Variants in ZFAND6 observed in about 807,000 individuals in gnomAD.
ZFAND6 encodes the protein AN1-type zinc finger protein 6.
ZFAND6 carries 12 observed loss-of-function variants against 24.5 expected under a neutral mutation model. The observed-to-expected ratio is 0.49, with a 90% CI of 0.31 to 0.79. The LOEUF is 0.79. Ranked by LOEUF, ZFAND6 falls within the 30% of genes least tolerant of loss-of-function variation. The pLI, the probability that ZFAND6 is intolerant of heterozygous loss-of-function variation, is 0.04. For missense variants in ZFAND6, 207 were observed against 245.9 expected (o/e 0.84, Z 1.06); for synonymous variants, 92 against 81.5 (o/e 1.13, Z -0.69).
intron 1 of ZFAND6, among the ~76,000 whole-genome samples, chr15:80,067,005 C>T (rs2036686869): frequency 6.6e-6 from 1 of 151,870 alleles, no homozygotes; most frequent in South Asian, 2.1e-4. Context: ...AACTTTGATT[C>T]TGAGTTCTAA....
At chr15:80,131,507 G>A in intron 6 of ZFAND6, 1 of 468,604 alleles carries the variant, frequency 2.1e-6, no homozygotes, top group East Asian at 3.1e-5. Flanking sequence ...TTTTATTTCA[G>A]TTGAATTTAG....
In ZFAND6 at chr15:80,121,564, T is replaced by C. The variant is rs541553410; in HGVS notation, c.155-148T>C. On this transcript the variant is annotated intron_variant, in intron 3 of 6. Transcript: ENST00000261749. Reference sequence around the variant, plus strand: ...TTTTCACTGGCAAACCGTTGAAAAATTTTTTAAAAATAATGAACCAACATA... The same window carrying C: ...TTTTCACTGGCAAACCGTTGAAAAACTTTTTAAAAATAATGAACCAACATA... The C allele has an allele frequency of 9.8e-6, 5 of 509,654 alleles. No individual in the cohort carries two copies. The East Asian group carries it at 1.4e-4, about 14-fold the overall frequency. The allele number at this position is 509,654 out of a possible 1,614,324, so 31.6% of individuals were successfully genotyped here.
At chr15:80,131,936 G>T (rs1274393662) in intron 6 of ZFAND6, among the ~76,000 whole-genome samples, 2 of 152,196 alleles carry the variant, frequency 1.3e-5, no homozygotes, top group African/African-American at 4.8e-5. Context: ...ATGTTTCAGT[G>T]TGTCTTGAAC....
chr15:80,122,229 T>TA (rs1187831128), intron 4 of ZFAND6, among the ~76,000 whole-genome samples: 4 of 152,292 alleles, frequency 2.6e-5, no homozygotes, highest in Non-Finnish European at 5.9e-5. Flanking sequence ...TATATATATA[T>TA]TTTTTAACTC....
Position 80,071,862 on chromosome 15 carries a change from C to T in ZFAND6, c.-181+12053C>T, listed in dbSNP as rs532277563. Among the ~76,000 whole-genome samples, 5 of 152,018 alleles carry T rather than the reference C, an allele frequency of 3.3e-5. No individual in the cohort carries two copies. The South Asian group carries it at 8.3e-4, about 25-fold the overall frequency. On this transcript the variant is annotated intron_variant, in intron 1 of 6. Transcript: ENST00000261749. ...CTGTTTGCCAATGGTTAAGCATTAA[C>T]CTTGGCAAAATACTCACATGTCAGA...
chr15:80,075,519 A>T (rs17217049), intron 1 of ZFAND6, among the ~76,000 whole-genome samples: 21,639 of 152,026 alleles, frequency 0.14, 2,028 homozygotes, highest in Non-Finnish European at 0.21. Flanking sequence ...GAAAACTTTT[A>T]AATTGACCTA....
chr15:80,072,164 T>C (rs1274133020), intron 1 of ZFAND6, among the ~76,000 whole-genome samples: 1 of 152,130 alleles, frequency 6.6e-6, no homozygotes, highest in African/African-American at 2.4e-5. Flanking sequence ...TTTTACAATT[T>C]TCAGGTAAAA....
At chr15:80,110,611 C>CA (rs201535404) in intron 2 of ZFAND6, among the ~76,000 whole-genome samples, 2,046 of 150,424 alleles carry the variant, frequency 0.014, 35 homozygotes, top group African/African-American at 0.047. Context: ...TACTAGATAT[C>CA]AAAAAAAACT....
Position 80,120,481 on chromosome 15 carries a change from G to A in ZFAND6, c.137G>A (p.Gly46Asp), listed in dbSNP as rs1402125714. ...EHLQRQNSSN[G>D]RISPPATSVS... ...CTTCAAAGACAGAATAGTAGTAATG[G>A]TAGAATAAGCCCACCTGGTAAGTAA... is the stretch of plus-strand genomic sequence containing the variant. Residue 46 changes from glycine (G) to aspartate (D), a missense_variant, in exon 3 of 7, where the codon GGT (glycine) becomes GAT (aspartate). This residue lies in a region of ZFAND6 where 133 missense variants were observed against 122.8 expected (regional missense o/e 1.08). Transcript: ENST00000261749. 2 of 1,551,826 alleles carry A rather than the reference G, an allele frequency of 1.3e-6. No homozygotes were observed. The highest frequency in any genetic ancestry group is 1.8e-6 in the Non-Finnish European group (2 of 1,142,632).
intron 2 of ZFAND6, among the ~76,000 whole-genome samples, chr15:80,102,376 A>G (rs1309668206): frequency 1.3e-5 from 2 of 152,158 alleles, no homozygotes; most frequent in African/African-American, 4.8e-5. Context: ...CGGCCTCCCA[A>G]AGTGCTAGGA....
At chr15:80,124,325 G>C (rs2040278869) in intron 5 of ZFAND6, among the ~76,000 whole-genome samples, 1 of 151,996 alleles carries the variant, frequency 6.6e-6, no homozygotes, top group Non-Finnish European at 1.5e-5. Context: ...CCTAGCTACT[G>C]GGGAGGCTGA....
At chr15:80,098,800 A>G (rs2038874784) in intron 2 of ZFAND6, among the ~76,000 whole-genome samples, 1 of 152,140 alleles carries the variant, frequency 6.6e-6, no homozygotes, top group South Asian at 2.1e-4. Context: ...ATTAGTGACT[A>G]CACATCTTTT....
intron 6 of ZFAND6, among the ~76,000 whole-genome samples, chr15:80,132,572 G>A (rs1267079757): frequency 6.6e-6 from 1 of 152,174 alleles, no homozygotes; most frequent in Non-Finnish European, 1.5e-5. Context: ...GGTGCTGCAA[G>A]TATCCACTTA....
intron 5 of ZFAND6, among the ~76,000 whole-genome samples, chr15:80,124,854 G>C (rs1033451501): frequency 6.6e-6 from 1 of 152,156 alleles, no homozygotes; most frequent in East Asian, 1.9e-4. Flanking sequence ...GGAGGGTTAG[G>C]TTCCAGTATG....
intron 6 of ZFAND6, among the ~76,000 whole-genome samples, chr15:80,132,167 G>A (rs1226509364): frequency 6.6e-6 from 1 of 152,110 alleles, no homozygotes; most frequent in Non-Finnish European, 1.5e-5. Context: ...GGACTGTAGG[G>A]GTCCACTTAG....
rs1038594797 is a variant in ZFAND6 at position 80,136,205 on chromosome 15, G to T, written c.479-1275G>T. On this transcript the variant is annotated intron_variant, in intron 6 of 6. Coordinates refer to ENST00000261749, the MANE Select transcript of ZFAND6 (RefSeq NM_019006.4). Reference sequence around the variant, plus strand: ...TCTAGGGCTGGGCATGGTGGCTCATGCCTGTAGTCCCAGCACTTCGGGAGG... The same window carrying T: ...TCTAGGGCTGGGCATGGTGGCTCATTCCTGTAGTCCCAGCACTTCGGGAGG... Among the ~76,000 whole-genome samples, 3 of 151,832 alleles carry T rather than the reference G, an allele frequency of 2.0e-5. No individual in the cohort carries two copies. In the South Asian group the frequency reaches 6.2e-4, roughly 32 times the overall value.
At chr15:80,068,444 T>C (rs1486595849) in intron 1 of ZFAND6, among the ~76,000 whole-genome samples, 3 of 151,996 alleles carry the variant, frequency 2.0e-5, no homozygotes, top group Non-Finnish European at 4.4e-5. Context: ...CGATCTCGGC[T>C]AACTGCAGCC....
At chr15:80,080,893 A>G (rs1383131944) in intron 1 of ZFAND6, among the ~76,000 whole-genome samples, 1 of 152,320 alleles carries the variant, frequency 6.6e-6, no homozygotes, top group African/African-American at 2.4e-5. Flanking sequence ...TATCTCAAGG[A>G]CAGCACCAAG....
At chr15:80,101,946 C>A (rs1567075570) in intron 2 of ZFAND6, among the ~76,000 whole-genome samples, 1 of 151,642 alleles carries the variant, frequency 6.6e-6, no homozygotes, top group Non-Finnish European at 1.5e-5. Context: ...GCTCCTGCCA[C>A]CACGCCTGGC....
Sources: gnomAD v4.1 joint callset for allele counts (sites outside exome capture counted in the v4.1 genomes callset) on GRCh38, gnomAD v4.1.1 for gene constraint, gnomAD v4.1.1 regional missense constraint, MANE v1.5 for transcripts, NCBI Gene and HGNC (gene_info 2026-07-23, HGNC 2026-07-21) for gene names.